POC1B: variants seen among roughly 807,000 people sequenced by gnomAD.
POC1B encodes POC1 centriolar protein B.
POC1B carries 44 observed loss-of-function variants against 60.6 expected under a neutral mutation model. The ratio of observed to expected loss-of-function variants is 0.73; its 90% CI spans 0.57 to 0.93. The LOEUF is 0.93. Among genes scored for constraint, POC1B ranks in the 40% least tolerant of loss-of-function variants. The pLI, the probability that POC1B is intolerant of heterozygous loss-of-function variation, is 0.00. For missense variants in POC1B, 555 were observed against 572.3 expected (o/e 0.97, Z 0.31); for synonymous variants, 180 against 198.9 (o/e 0.90, Z 0.80).
intron 3 of POC1B, among the ~76,000 whole-genome samples, chr12:89,495,244 G>A (rs529232907): frequency 1.3e-5 from 2 of 152,310 alleles, no homozygotes; most frequent in African/African-American, 4.8e-5. Flanking sequence ...AATTAGTAAA[G>A]GGAGACTGAA....
chr12:89,525,475 CT>C, intron 1 of POC1B: 1 of 1,336,078 alleles, frequency 7.5e-7, no homozygotes, highest in African/African-American at 1.5e-5. Flanking sequence ...ACCGCGGCCC[CT>C]TTGAAATGCA....
At chr12:89,497,482 G>A in intron 2 of POC1B, 140 bp from the exon 3 acceptor site, 1 of 774,302 alleles carries the variant, frequency 1.3e-6, no homozygotes, top group Admixed American at 2.9e-5. Context: ...CCAGGTAATA[G>A]CCAAATTACT....
Position 89,419,829 on chromosome 12 carries a change from C to T in POC1B, c.*1324G>A, listed in dbSNP as rs564086596. 5.9e-5 allele frequency: 9 copies of T among 152,272 alleles called. No homozygotes were observed. In the South Asian group the frequency reaches 1.9e-3, roughly 32 times the overall value. 9.4% of individuals were successfully genotyped at this position (152,272 alleles called of 1,614,324 possible). Reference sequence around the variant, plus strand: ...TCAATGGGGTTATAAAAATACAATGCCACTTAGTTTTTGTAAGCTCTTGAA... The same window carrying T: ...TCAATGGGGTTATAAAAATACAATGTCACTTAGTTTTTGTAAGCTCTTGAA... On this transcript the variant is annotated 3_prime_UTR_variant, in exon 12 of 12. Coordinates refer to ENST00000313546, the MANE Select transcript of POC1B (RefSeq NM_172240.3).
chr12:89,503,329 C>T (rs1205141604), intron 2 of POC1B, among the ~76,000 whole-genome samples: 1 of 152,274 alleles, frequency 6.6e-6, no homozygotes, highest in Non-Finnish European at 1.5e-5. Flanking sequence ...GTTGGCCGGG[C>T]TGGTCTCCAG....
At chr12:89,427,529 C>T (rs1880821116) in intron 10 of POC1B, 1 of 151,922 alleles carries the variant, frequency 6.6e-6, no homozygotes, top group Admixed American at 6.6e-5. Flanking sequence ...CCCATCTCTA[C>T]AAAAAATAAA....
At chr12:89,518,455 AT>A (rs1382352220) in intron 2 of POC1B, among the ~76,000 whole-genome samples, 6 of 152,218 alleles carry the variant, frequency 3.9e-5, no homozygotes, top group African/African-American at 1.2e-4. Context: ...GCAAAGAGAA[AT>A]CTTTTCTGAG....
intron 10 of POC1B, among the ~76,000 whole-genome samples, chr12:89,452,792 A>G (rs1011704366): frequency 6.6e-6 from 1 of 152,036 alleles, no homozygotes; most frequent in Non-Finnish European, 1.5e-5. Context: ...TCTATCTTGA[A>G]AAAAAAATAA....
At chr12:89,410,674 G>A in the POC1B span, among the ~76,000 whole-genome samples, 10 of 96,462 alleles carry the variant, frequency 1.0e-4, no homozygotes, top group Admixed American at 7.8e-4. Flanking sequence ...GTGAGACTCC[G>A]TCTCAAAAAA....
At chr12:89,494,196 T>C (rs1251991766) in intron 3 of POC1B, among the ~76,000 whole-genome samples, 1 of 151,896 alleles carries the variant, frequency 6.6e-6, no homozygotes, top group Admixed American at 6.6e-5. Context: ...TGCATCACCA[T>C]GCCCAGCTAA....
At chr12:89,468,220 A>G (rs1249691847) in intron 7 of POC1B, among the ~76,000 whole-genome samples, 14 of 152,208 alleles carry the variant, frequency 9.2e-5, no homozygotes, top group Admixed American at 7.9e-4. Context: ...TCTGAGAAAG[A>G]TGAATTGGAG....
Position 89,446,532 on chromosome 12 carries a change from C to G in POC1B, c.1113+13106G>C, listed in dbSNP as rs1181239956. On this transcript the variant is annotated intron_variant, in intron 10 of 11. Transcript: ENST00000313546. ...AAACCAAACACCGCATGTTCTCACT[C>G]ATAGGTGGGAACTGAACAATGAGAA... 3.9e-5 allele frequency among the ~76,000 whole-genome samples: 6 copies of G among 152,110 alleles called. No homozygotes were observed. The East Asian group carries it at 1.2e-3, about 29-fold the overall frequency.
In POC1B at chr12:89,507,266, C is replaced by CAAAA. The variant is rs34750133; in HGVS notation, c.101-9928_101-9925dup. Among the ~76,000 whole-genome samples the CAAAA allele has an allele frequency of 5.6e-4, 36 of 64,034 alleles. 2 individuals carry two copies. Among genetic ancestry groups the CAAAA allele is most frequent in the African/African-American group, 2.2e-3 (30 of 13,892 alleles). The allele number at this position is 64,034 out of a possible 152,430, so 42.0% of individuals were successfully genotyped here. On this transcript the variant is annotated intron_variant, in intron 2 of 11. Coordinates refer to ENST00000313546, the MANE Select transcript of POC1B (RefSeq NM_172240.3). ...CTCCAGACAGAGCAAGGCCCTGTCT[C>CAAAA]AAAAAAAAAAAAAAAAAAAAAAAAA...
At chr12:89,449,444 C>G (rs886979292) in intron 10 of POC1B, among the ~76,000 whole-genome samples, 1 of 152,072 alleles carries the variant, frequency 6.6e-6, no homozygotes, top group South Asian at 2.1e-4. Flanking sequence ...TGTATATATA[C>G]TTTAAAACAT....
chr12:89,524,199 C>G, intron 2 of POC1B: 1 of 1,613,940 alleles, frequency 6.2e-7, no homozygotes, highest in South Asian at 1.1e-5. Flanking sequence ...TTCTTTTATC[C>G]TCTATGTGTC....
intron 11 of POC1B, 22 bp downstream of exon 11, chr12:89,425,139 A>T: frequency 6.2e-7 from 1 of 1,611,428 alleles, no homozygotes; most frequent in Non-Finnish European, 8.5e-7. Context: ...AGTGCAACTC[A>T]TGCAACCTGT....
At chr12:89,522,714 G>A in intron 2 of POC1B, 1 of 1,455,146 alleles carries the variant, frequency 6.9e-7, no homozygotes, top group Non-Finnish European at 9.2e-7. Context: ...ACTGCTAGGT[G>A]GCTTTTGATA....
chr12:89,501,486 T>C, intron 2 of POC1B: 2 of 1,003,666 alleles, frequency 2.0e-6, no homozygotes, highest in Non-Finnish European at 3.0e-6. Flanking sequence ...CAGACAGAAA[T>C]ATGGAAGAGC....
intron 4 of POC1B, among the ~76,000 whole-genome samples, chr12:89,490,647 C>G (rs577448521): frequency 6.6e-6 from 1 of 152,094 alleles, no homozygotes; most frequent in Non-Finnish European, 1.5e-5. Context: ...GCCCAGCCCC[C>G]AGACAGTTCT....
intron 2 of POC1B, chr12:89,524,216 G>C (rs758432948): frequency 1.7e-5 from 28 of 1,613,874 alleles, no homozygotes; most frequent in Non-Finnish European, 2.0e-5. Context: ...TGTCGATGCA[G>C]GGAAATCCTG....
Sources: allele counts gnomAD v4.1 joint callset (sites outside exome capture counted in the v4.1 genomes callset), GRCh38; gene constraint gnomAD v4.1.1; transcripts MANE v1.5; gene names NCBI Gene and HGNC (gene_info 2026-07-23, HGNC 2026-07-21).